SLC25A21: variants seen among roughly 807,000 people sequenced by gnomAD.
SLC25A21 encodes solute carrier family 25 member 21, also known as mitochondrial 2-oxodicarboxylate carrier.
In SLC25A21, 47 loss-of-function variants were observed where a neutral mutation model predicts 43.8. The observed-to-expected ratio is 1.07, with a 90% CI of 0.85 to 1.37. The LOEUF (loss-of-function observed/expected upper bound fraction) is 1.37. SLC25A21 is among the 40% of genes most tolerant of loss of function. The pLI, the probability that SLC25A21 is intolerant of heterozygous loss-of-function variation, is 0.00. For missense variants in SLC25A21, 352 were observed against 350.2 expected, an observed-to-expected ratio of 1.00 and a Z score of -0.04; for synonymous variants, 131 against 121.3, an observed-to-expected ratio of 1.08 and a Z score of -0.52.
intron 1 of SLC25A21, among the ~76,000 whole-genome samples, chr14:37,080,244 T>C (rs1420330038): frequency 6.6e-6 from 1 of 152,196 alleles, no homozygotes; most frequent in Non-Finnish European, 1.5e-5. Flanking sequence ...GCATTCATCA[T>C]ATACTGTTGT....
chr14:36,839,185 C>T (rs1889303382), intron 2 of SLC25A21, among the ~76,000 whole-genome samples: 2 of 152,186 alleles, frequency 1.3e-5, no homozygotes, highest in African/African-American at 4.8e-5. Context: ...GACAGACTCT[C>T]ATTCAAATAA....
intron 1 of SLC25A21, among the ~76,000 whole-genome samples, chr14:37,025,141 T>C (rs747399592): frequency 5.3e-5 from 8 of 152,094 alleles, no homozygotes; most frequent in Non-Finnish European, 1.2e-4. Flanking sequence ...GTAGCCAGAA[T>C]AAACAAGTAG....
intron 1 of SLC25A21, among the ~76,000 whole-genome samples, chr14:37,027,807 G>A (rs934139672): frequency 2.0e-5 from 3 of 152,082 alleles, no homozygotes; most frequent in African/African-American, 4.8e-5. Context: ...GCGGTTCAAG[G>A]TTGTTCTGTA....
At chr14:36,874,205 C>G (rs1890453303) in intron 2 of SLC25A21, among the ~76,000 whole-genome samples, 1 of 152,184 alleles carries the variant, frequency 6.6e-6, no homozygotes, top group Non-Finnish European at 1.5e-5. Context: ...TCTTTAACCA[C>G]CATTATTGCA....
chr14:36,927,726 T>C (rs1394141896), intron 1 of SLC25A21, among the ~76,000 whole-genome samples: 1 of 152,174 alleles, frequency 6.6e-6, no homozygotes, highest in South Asian at 2.1e-4. Context: ...AGTAGACTTA[T>C]ATCCACAGGG....
At chr14:37,138,929 T>C (rs551847435) in intron 1 of SLC25A21, among the ~76,000 whole-genome samples, 67 of 152,272 alleles carry the variant, frequency 4.4e-4, no homozygotes, top group South Asian at 3.9e-3. Flanking sequence ...TTCAAATTCA[T>C]GGAACTTTTG....
Position 37,172,431 on chromosome 14 carries a change from GC to G in SLC25A21, c.-82del, listed in dbSNP as rs1157423665. The stretch of plus-strand genomic sequence containing the variant: ...CCTGCACAGCCTACTGATCCAGAGA[GC>G]CCCGGCTGGGCTGGTCCTCAAGCGC... On this transcript the variant is annotated 5_prime_UTR_variant, in exon 1 of 10. Coordinates refer to ENST00000331299, the MANE Select transcript of SLC25A21 (RefSeq NM_030631.4). 3 of 1,436,638 alleles carry G rather than the reference GC, an allele frequency of 2.1e-6. No individual in the cohort carries two copies. In the African/African-American group the frequency reaches 4.2e-5, roughly 20 times the overall value. 89.0% of individuals were successfully genotyped at this position (1,436,638 alleles called of 1,614,324 possible).
At chr14:36,772,543 T>C (rs933807535) in intron 3 of SLC25A21, among the ~76,000 whole-genome samples, 1 of 152,158 alleles carries the variant, frequency 6.6e-6, no homozygotes, top group South Asian at 2.1e-4. Flanking sequence ...CCCTAAGAGT[T>C]AGTGCTTATG....
intron 1 of SLC25A21, chr14:36,952,241 G>GA (rs1892831353): frequency 6.5e-6 from 1 of 153,478 alleles, no homozygotes; most frequent in Non-Finnish European, 1.5e-5. Flanking sequence ...AAAAAGAAAA[G>GA]AAAGAAAGAA....
intron 1 of SLC25A21, among the ~76,000 whole-genome samples, chr14:37,133,078 A>T (rs1963417397): frequency 6.6e-6 from 1 of 151,672 alleles, no homozygotes; most frequent in Non-Finnish European, 1.5e-5. Context: ...ACAGATAAGG[A>T]TGTTGTTTTA....
chr14:37,125,071 C>G (rs557717023), intron 1 of SLC25A21, among the ~76,000 whole-genome samples: 1 of 152,242 alleles, frequency 6.6e-6, no homozygotes, highest in South Asian at 2.1e-4. Flanking sequence ...TGAATGGATG[C>G]CCAACAGAAA....
At chr14:36,732,747 T>C (rs1476277077) in intron 4 of SLC25A21, among the ~76,000 whole-genome samples, 1 of 152,206 alleles carries the variant, frequency 6.6e-6, no homozygotes, top group Admixed American at 6.5e-5. Context: ...AGGTGATTGC[T>C]TTCCTCACAA....
intron 2 of SLC25A21, among the ~76,000 whole-genome samples, chr14:36,845,335 T>C (rs1344519692): frequency 6.6e-6 from 1 of 152,196 alleles, no homozygotes; most frequent in Non-Finnish European, 1.5e-5. Flanking sequence ...AAAAAGTATG[T>C]TCAGAGCATG....
intron 1 of SLC25A21, among the ~76,000 whole-genome samples, chr14:36,892,487 T>C (rs7159633): frequency 0.47 from 70,800 of 151,884 alleles, 18,110 homozygotes; most frequent in East Asian, 0.99. Context: ...ATGGATGGTC[T>C]TAGAAGACAT....
At chr14:36,815,201 G>T (rs1888413606) in intron 2 of SLC25A21, among the ~76,000 whole-genome samples, 1 of 152,140 alleles carries the variant, frequency 6.6e-6, no homozygotes, top group Non-Finnish European at 1.5e-5. Flanking sequence ...GAAAGCATTA[G>T]GACAAATAAC....
chr14:36,755,468 C>T (rs937075130), intron 3 of SLC25A21, among the ~76,000 whole-genome samples: 2 of 152,130 alleles, frequency 1.3e-5, no homozygotes, highest in East Asian at 1.9e-4. Flanking sequence ...CCTGTGGTGG[C>T]GGTCATTGAT....
In SLC25A21 at chr14:36,728,365, C is replaced by T. The variant is rs1446429678; in HGVS notation, c.330+1142G>A. Among the ~76,000 whole-genome samples the T allele has an allele frequency of 3.3e-5, 5 of 152,172 alleles. No individual in the cohort carries two copies. The East Asian group carries it at 7.7e-4, about 23-fold the overall frequency. ...GTTTGACACAAGAACAGCCAGCTGG[C>T]CCTCTGGAGACAATATTTTATTGTT... On this transcript the variant is annotated intron_variant, in intron 5 of 9. Coordinates refer to ENST00000331299, the MANE Select transcript of SLC25A21 (RefSeq NM_030631.4).
intron 5 of SLC25A21, among the ~76,000 whole-genome samples, chr14:36,729,219 G>A (rs1421919959): frequency 6.6e-6 from 1 of 152,086 alleles, no homozygotes; most frequent in Non-Finnish European, 1.5e-5. Flanking sequence ...TGCATGTCTT[G>A]GTTTAAAAGG....
chr14:36,987,140 T>C (rs942276611), intron 1 of SLC25A21, among the ~76,000 whole-genome samples: 1 of 152,134 alleles, frequency 6.6e-6, no homozygotes, highest in Non-Finnish European at 1.5e-5. Context: ...TTTTTAATCT[T>C]AAAGATAAAA....
Sources: gnomAD v4.1 joint callset for allele counts (sites outside exome capture counted in the v4.1 genomes callset) on GRCh38, gnomAD v4.1.1 for gene constraint, MANE v1.5 for transcripts, NCBI Gene and HGNC (gene_info 2026-07-23, HGNC 2026-07-21) for gene names.